ZFHX3: variants seen among roughly 807,000 people sequenced by gnomAD.
ZFHX3 encodes zinc finger homeobox protein 3.
A neutral mutation model predicts 279.1 loss-of-function variants in ZFHX3; 42 were observed. The ratio of observed to expected loss-of-function variants is 0.15; its 90% CI spans 0.12 to 0.19. The LOEUF is 0.19. ZFHX3 is among the 10% of genes least tolerant of loss of function. The probability of loss-of-function intolerance (pLI) is 1.00; values close to 1 mark genes in which losing one functional copy is unlikely to be tolerated. For missense variants in ZFHX3, 4,981 were observed against 4,754.0 expected (o/e 1.05, Z -1.40); for synonymous variants, 2,293 against 1,957.8 (o/e 1.17, Z -4.52).
chr16:73,627,422 T>C (rs1199415432), intron 2 of ZFHX3, among the ~76,000 whole-genome samples: 2 of 152,220 alleles, frequency 1.3e-5, no homozygotes, highest in Non-Finnish European at 2.9e-5. Flanking sequence ...TCATGTCCTT[T>C]GCAAGCCGGA....
intron 1 of ZFHX3, among the ~76,000 whole-genome samples, chr16:73,818,384 C>T (rs1265387584): frequency 6.6e-6 from 1 of 152,166 alleles, no homozygotes; most frequent in Non-Finnish European, 1.5e-5. Flanking sequence ...ACTCAGCCCC[C>T]ACCCCAATAC....
intron 3 of ZFHX3, among the ~76,000 whole-genome samples, chr16:73,330,161 G>A (rs940532548): frequency 7.9e-5 from 12 of 152,168 alleles, no homozygotes; most frequent in Non-Finnish European, 1.5e-4. Flanking sequence ...AGAGCAGGAT[G>A]GGGGAAGAGA....
chr16:73,476,695 G>A (rs2143615434), intron 2 of ZFHX3, among the ~76,000 whole-genome samples: 1 of 152,174 alleles, frequency 6.6e-6, no homozygotes, highest in African/African-American at 2.4e-5. Context: ...TATTGACATT[G>A]CTTTTTACCA....
At chr16:73,254,701 C>T (rs80318365) in intron 5 of ZFHX3, among the ~76,000 whole-genome samples, 3,224 of 152,218 alleles carry the variant, frequency 0.021, 113 homozygotes, top group African/African-American at 0.074. Context: ...ATCAGATTCT[C>T]ATCATGTTTT....
At chr16:73,431,249 T>C (rs1371991916) in intron 3 of ZFHX3, among the ~76,000 whole-genome samples, 1 of 152,122 alleles carries the variant, frequency 6.6e-6, no homozygotes, top group East Asian at 1.9e-4. Flanking sequence ...TATTTTTTTT[T>C]TTTATGTCAG....
chr16:73,563,499 C>T (rs904432748), intron 2 of ZFHX3, among the ~76,000 whole-genome samples: 14 of 151,986 alleles, frequency 9.2e-5, no homozygotes, highest in Admixed American at 2.6e-4. Flanking sequence ...CCTCGTGATC[C>T]GCCCGCCTCA....
intron 1 of ZFHX3, among the ~76,000 whole-genome samples, chr16:73,040,258 G>A (rs1337272152): frequency 6.6e-6 from 1 of 152,140 alleles, no homozygotes; most frequent in Admixed American, 6.5e-5. Context: ...GGTATAGGAA[G>A]GGGACAGGGC....
chr16:72,941,416 G>A (rs537726702), intron 3 of ZFHX3, among the ~76,000 whole-genome samples: 2 of 152,316 alleles, frequency 1.3e-5, no homozygotes, highest in African/African-American at 2.4e-5. Flanking sequence ...TATAGAGCCT[G>A]CTGGCAGGTC....
chr16:73,128,152 A>G (rs1425263289), intron 7 of ZFHX3, among the ~76,000 whole-genome samples: 3 of 152,128 alleles, frequency 2.0e-5, no homozygotes, highest in Non-Finnish European at 4.4e-5. Context: ...GTTACCCAGC[A>G]TAACTGAACT....
chr16:73,242,816 A>AG (rs1370523120), intron 5 of ZFHX3, among the ~76,000 whole-genome samples: 1 of 152,214 alleles, frequency 6.6e-6, no homozygotes, highest in Non-Finnish European at 1.5e-5. Context: ...GGCCATTTCA[A>AG]GGTGCCAGCA....
chr16:72,800,840 G>A (rs1046896654), intron 7 of ZFHX3, among the ~76,000 whole-genome samples: 1 of 152,128 alleles, frequency 6.6e-6, no homozygotes, highest in Non-Finnish European at 1.5e-5. Flanking sequence ...GATAGAGGGT[G>A]GCCTGCACAG....
intron 3 of ZFHX3, among the ~76,000 whole-genome samples, chr16:72,948,580 G>A (rs1025270590): frequency 2.0e-5 from 3 of 152,188 alleles, no homozygotes; most frequent in Non-Finnish European, 4.4e-5. Context: ...AAAGTCAAGT[G>A]CCTGACAGAC....
At chr16:73,687,234 G>T (rs2053098196) in intron 1 of ZFHX3, among the ~76,000 whole-genome samples, 1 of 149,194 alleles carries the variant, frequency 6.7e-6, no homozygotes, top group Admixed American at 6.7e-5. Flanking sequence ...AAAAAAAAAA[G>T]TACAAAAATT....
chr16:73,122,589 C>T (rs1293040141), intron 7 of ZFHX3, among the ~76,000 whole-genome samples: 1 of 152,132 alleles, frequency 6.6e-6, no homozygotes, highest in Non-Finnish European at 1.5e-5. Flanking sequence ...TAGGCCACCA[C>T]GGGGTGCAGT....
intron 2 of ZFHX3, among the ~76,000 whole-genome samples, chr16:73,479,688 T>C (rs1353086925): frequency 6.6e-6 from 1 of 152,180 alleles, no homozygotes; most frequent in Non-Finnish European, 1.5e-5. Flanking sequence ...TATGGTGACA[T>C]AGCAGGCATA....
intron 1 of ZFHX3, among the ~76,000 whole-genome samples, chr16:73,789,704 T>A (rs1054185611): frequency 6.6e-6 from 1 of 152,114 alleles, no homozygotes; most frequent in East Asian, 1.9e-4. Context: ...CAGGCAGCAA[T>A]TGTACAGTCA....
At chr16:73,776,882 C>T (rs1959267226) in intron 1 of ZFHX3, among the ~76,000 whole-genome samples, 1 of 152,120 alleles carries the variant, frequency 6.6e-6, no homozygotes, top group African/African-American at 2.4e-5. Context: ...TCAGTACGGC[C>T]TGCTTGCTTT....
intron 2 of ZFHX3, among the ~76,000 whole-genome samples, chr16:73,527,871 G>C (rs973585448): frequency 6.6e-6 from 1 of 152,204 alleles, no homozygotes; most frequent in African/African-American, 2.4e-5. Flanking sequence ...CTTGATAGCA[G>C]CCTAAAGAGA....
chr16:73,604,758 AAT>A (rs2052160355), intron 2 of ZFHX3, among the ~76,000 whole-genome samples: 3 of 151,068 alleles, frequency 2.0e-5, no homozygotes, highest in South Asian at 4.2e-4. Context: ...AAAAAAAAAA[AAT>A]CTCCCATGAT....
Sources: allele counts gnomAD v4.1 joint callset (sites outside exome capture counted in the v4.1 genomes callset), GRCh38; gene constraint gnomAD v4.1.1; transcripts MANE v1.5; gene names NCBI Gene and HGNC (gene_info 2026-07-23, HGNC 2026-07-21).